Variants in UQCC1 observed in about 807,000 individuals in gnomAD.
The protein encoded by UQCC1 is bFGF-repressed Zic-binding protein.
A neutral mutation model predicts 48.0 loss-of-function variants in UQCC1; 38 were observed. That is an observed-to-expected ratio of 0.79 (90% CI 0.61 to 1.04). The LOEUF is 1.04. UQCC1 is among the 50% of genes least tolerant of loss of function. The pLI, the probability that UQCC1 is intolerant of heterozygous loss-of-function variation, is 0.00. For synonymous variants in UQCC1, 111 were observed against 129.2 expected (o/e 0.86, Z 0.95); for missense variants, 368 against 381.8 (o/e 0.96, Z 0.30).
intron 7 of UQCC1, chr20:35,345,983 T>C (rs541964097): frequency 2.6e-5 from 4 of 152,184 alleles, no homozygotes; most frequent in South Asian, 2.1e-4. Context: ...CAAAAGAAGA[T>C]ACTAGTGGGA....
At position 35,397,440 on chromosome 20, in the gene UQCC1, C is replaced by T. The variant is rs1347203498; in HGVS notation, c.25-3244G>A. ...CTGAGGTAGGAGAATGGCATGAACC[C>T]GGGAGGCGGAGCTGGCAGTGAGCCA... On this transcript the variant is annotated intron_variant, in intron 1 of 9. Transcript: ENST00000374385. Among the ~76,000 whole-genome samples, 9 of 145,058 alleles carry T rather than the reference C, an allele frequency of 6.2e-5. No individual in the cohort carries two copies. In the East Asian group the frequency reaches 1.0e-3, roughly 17 times the overall value.
Position 35,401,658 on chromosome 20 carries a change from CT to C in UQCC1, c.25-7463del, listed in dbSNP as rs142034321. On this transcript the variant is annotated intron_variant, in intron 1 of 9. Coordinates refer to ENST00000374385, the MANE Select transcript of UQCC1 (RefSeq NM_018244.5). ...AATCAATTATAAACATGAAATCCACCTTTTTTTTTTTTTTTTTTTTGAGACA... is the reference window on the plus strand; with the variant it reads ...AATCAATTATAAACATGAAATCCACCTTTTTTTTTTTTTTTTTTTGAGACA... 7.1e-3 allele frequency among the ~76,000 whole-genome samples: 842 copies of C among 117,946 alleles called. 2 individuals are homozygous for C. Among genetic ancestry groups the C allele is most frequent in the Middle Eastern group, 0.014 (3 of 216 alleles). The allele number at this position is 117,946 out of a possible 152,430, so 77.4% of individuals were successfully genotyped here.
intron 1 of UQCC1, among the ~76,000 whole-genome samples, chr20:35,411,477 G>T (rs2062363001): frequency 6.6e-6 from 1 of 152,122 alleles, no homozygotes; most frequent in Non-Finnish European, 1.5e-5. Flanking sequence ...TATTACCTAT[G>T]AAAGAAACCC....
intron 6 of UQCC1, among the ~76,000 whole-genome samples, chr20:35,351,421 A>G (rs1432427585): frequency 6.6e-6 from 1 of 151,612 alleles, no homozygotes; most frequent in Non-Finnish European, 1.5e-5. Context: ...ACTTTGTGAC[A>G]ATAATGAAAC....
chr20:35,384,895 A>T (rs2061920164), intron 2 of UQCC1, among the ~76,000 whole-genome samples: 1 of 143,976 alleles, frequency 6.9e-6, no homozygotes, highest in African/African-American at 2.6e-5. Flanking sequence ...TGAACTGAGG[A>T]GGCAAAGGTT....
intron 6 of UQCC1, among the ~76,000 whole-genome samples, chr20:35,360,107 T>C (rs2061589840): frequency 6.6e-6 from 1 of 152,158 alleles, no homozygotes; most frequent in Non-Finnish European, 1.5e-5. Flanking sequence ...TCAGCGCACT[T>C]AGGGTATGCA....
At chr20:35,374,279 A>G (rs1479934742) in intron 4 of UQCC1, 23 bp from the exon 5 acceptor site, 3 of 1,577,126 alleles carry the variant, frequency 1.9e-6, no homozygotes, top group Non-Finnish European at 2.6e-6. Context: ...AATAAAACCA[A>G]ACTCAAGACA....
chr20:35,349,199 T>C (rs2061462999), intron 6 of UQCC1, among the ~76,000 whole-genome samples: 1 of 152,170 alleles, frequency 6.6e-6, no homozygotes, highest in Non-Finnish European at 1.5e-5. Flanking sequence ...AGAAAACATA[T>C]TTACCAAATT....
At chr20:35,384,966 C>CAAAAAAA (rs57141083) in intron 2 of UQCC1, among the ~76,000 whole-genome samples, 8 of 69,760 alleles carry the variant, frequency 1.1e-4, no homozygotes, top group African/African-American at 4.4e-4. Context: ...GAATCGGTCT[C>CAAAAAAA]AAAAAAAAAA....
At chr20:35,411,049 T>C (rs906732499) in intron 1 of UQCC1, among the ~76,000 whole-genome samples, 7 of 152,158 alleles carry the variant, frequency 4.6e-5, no homozygotes, top group Admixed American at 6.6e-5. Flanking sequence ...AGAAGTTACC[T>C]AGACACAGGA....
chr20:35,372,119 G>T (rs982249234), intron 5 of UQCC1, among the ~76,000 whole-genome samples: 3 of 151,906 alleles, frequency 2.0e-5, no homozygotes, highest in African/African-American at 7.3e-5. Flanking sequence ...AGACCAGCCT[G>T]GCCAATATGG....
intron 2 of UQCC1, among the ~76,000 whole-genome samples, chr20:35,389,374 C>A (rs2061986088): frequency 6.6e-6 from 1 of 152,044 alleles, no homozygotes; most frequent in Admixed American, 6.6e-5. Flanking sequence ...GCCATCCTGG[C>A]CAACACGGTG....
At chr20:35,350,808 A>G (rs2061482568) in intron 6 of UQCC1, among the ~76,000 whole-genome samples, 1 of 152,036 alleles carries the variant, frequency 6.6e-6, no homozygotes, top group Admixed American at 6.6e-5. Flanking sequence ...TGGGAGGCCG[A>G]GGTGGGTGGA....
At chr20:35,377,375 G>A (rs1349069771) in intron 4 of UQCC1, among the ~76,000 whole-genome samples, 3 of 152,142 alleles carry the variant, frequency 2.0e-5, no homozygotes, top group Non-Finnish European at 4.4e-5. Context: ...ACACATCTTG[G>A]GAAGCACTGG....
rs910130412 is a variant in UQCC1 at position 35,348,413 on chromosome 20, G to A, written c.465-1141C>T. 4.0e-5 allele frequency among the ~76,000 whole-genome samples: 6 copies of A among 151,518 alleles called. No homozygotes were observed. The East Asian group carries it at 5.8e-4, about 15-fold the overall frequency. The stretch of plus-strand genomic sequence containing the variant: ...TTTGTTTTGTTTTGTTTTTTGAGAC[G>A]GAGTCTCGCTCTGTCACCCAGGCTG... On this transcript the variant is annotated intron_variant, in intron 6 of 9. Transcript: ENST00000374385.
intron 6 of UQCC1, among the ~76,000 whole-genome samples, chr20:35,362,392 C>A (rs773172026): frequency 1.2e-4 from 18 of 152,162 alleles, no homozygotes; most frequent in Admixed American, 2.6e-4. Flanking sequence ...AAGTCTCGCT[C>A]TGTCGTCTAG....
chr20:35,390,864 C>T (rs1368579787), intron 2 of UQCC1, among the ~76,000 whole-genome samples: 1 of 152,060 alleles, frequency 6.6e-6, no homozygotes. Flanking sequence ...GCCAAAAATG[C>T]ATAACCTCAA....
At chr20:35,388,947 C>T (rs2061980902) in intron 2 of UQCC1, among the ~76,000 whole-genome samples, 2 of 151,580 alleles carry the variant, frequency 1.3e-5, no homozygotes, top group South Asian at 2.1e-4. Flanking sequence ...CGCCTGTAGT[C>T]CCCAGCTACT....
chr20:35,346,751 AAG>A, intron 7 of UQCC1: 1 of 369,410 alleles, frequency 2.7e-6, no homozygotes, highest in Non-Finnish European at 4.9e-6. Flanking sequence ...TCAGTTCCTG[AAG>A]ACAGTGCAGG....
Sources: gnomAD v4.1 joint callset for allele counts (sites outside exome capture counted in the v4.1 genomes callset) on GRCh38, gnomAD v4.1.1 for gene constraint, MANE v1.5 for transcripts, NCBI Gene and HGNC (gene_info 2026-07-23, HGNC 2026-07-21) for gene names.